NRG3: variants seen among roughly 807,000 people sequenced by gnomAD.
NRG3 encodes pro-neuregulin-3, membrane-bound isoform.
A neutral mutation model predicts 66.9 loss-of-function variants in NRG3; 31 were observed. The ratio of observed to expected loss-of-function variants is 0.46; its 90% CI spans 0.35 to 0.63. The LOEUF (loss-of-function observed/expected upper bound fraction) is 0.63, where lower values mean the gene tolerates loss of function less well. Ranked by LOEUF, NRG3 falls within the 20% of genes least tolerant of loss-of-function variation. NRG3 has a pLI of 0.00. For missense variants in NRG3, 910 were observed against 878.9 expected, an observed-to-expected ratio of 1.04 and a Z score of -0.45; for synonymous variants, 393 against 359.4, an observed-to-expected ratio of 1.09 and a Z score of -1.06.
At chr10:82,419,057 C>G (rs2088857638) in intron 2 of NRG3, among the ~76,000 whole-genome samples, 1 of 151,972 alleles carries the variant, frequency 6.6e-6, no homozygotes, top group Non-Finnish European at 1.5e-5. Flanking sequence ...AAACTTAACC[C>G]TACAGGGATA....
At position 82,234,919 on chromosome 10, in the gene NRG3, A is replaced by G. The variant is rs528927940; in HGVS notation, c.824-123820A>G. ...AGCCGTGCTTGCCTTGTTACTGTGT[A>G]ATCGGGATGTGTTTGTATTTCTTAT... is the stretch of plus-strand genomic sequence containing the variant. On this transcript the variant is annotated intron_variant, in intron 1 of 8. Coordinates refer to ENST00000372141, the MANE Select transcript of NRG3 (RefSeq NM_001010848.4). 1.0e-3 allele frequency among the ~76,000 whole-genome samples: 157 copies of G among 152,360 alleles called. 1 individual carries two copies. The highest frequency in any genetic ancestry group is 3.7e-3 in the African/African-American group (155 of 41,588).
intron 2 of NRG3, among the ~76,000 whole-genome samples, chr10:82,565,087 C>T (rs977477172): frequency 6.6e-6 from 1 of 151,986 alleles, no homozygotes; most frequent in South Asian, 2.1e-4. Flanking sequence ...GGGCATTCCC[C>T]GCCAGAGAAA....
intron 3 of NRG3, among the ~76,000 whole-genome samples, chr10:82,858,969 C>G (rs1311725267): frequency 2.9e-5 from 3 of 104,386 alleles, no homozygotes; most frequent in Non-Finnish European, 6.1e-5. Context: ...TTTTTTGAGA[C>G]GGAGTCTCGC....
Position 82,475,838 on chromosome 10 carries a change from T to C in NRG3, c.953+116970T>C, listed in dbSNP as rs530046062. Reference sequence around the variant, plus strand: ...AAGCAACAGCAACAAGAAACATAAATTGAACTACATCAAAATTAAAAACTT... The same window carrying C: ...AAGCAACAGCAACAAGAAACATAAACTGAACTACATCAAAATTAAAAACTT... On this transcript the variant is annotated intron_variant, in intron 2 of 8. Coordinates refer to ENST00000372141, the MANE Select transcript of NRG3 (RefSeq NM_001010848.4). 3.8e-3 allele frequency among the ~76,000 whole-genome samples: 576 copies of C among 152,206 alleles called. 5 individuals carry two copies. The highest frequency in any genetic ancestry group is 0.014 in the African/African-American group (562 of 41,550).
At chr10:82,328,789 C>G (rs1412291376) in intron 1 of NRG3, among the ~76,000 whole-genome samples, 2 of 152,142 alleles carry the variant, frequency 1.3e-5, no homozygotes, top group Non-Finnish European at 2.9e-5. Flanking sequence ...AACACCTATT[C>G]AAGTGTCCAT....
intron 4 of NRG3, among the ~76,000 whole-genome samples, chr10:82,913,471 G>T (rs1179790680): frequency 2.0e-5 from 3 of 151,912 alleles, no homozygotes; most frequent in Non-Finnish European, 4.4e-5. Context: ...AACATTTTTT[G>T]CAAGGTATGT....
chr10:82,114,775 T>C (rs561860292), intron 1 of NRG3, among the ~76,000 whole-genome samples: 2 of 152,142 alleles, frequency 1.3e-5, no homozygotes, highest in Non-Finnish European at 2.9e-5. Context: ...CCCTGGAAAC[T>C]GTTCTTTCAT....
At chr10:82,326,885 A>C (rs951215316) in intron 1 of NRG3, among the ~76,000 whole-genome samples, 4 of 152,196 alleles carry the variant, frequency 2.6e-5, no homozygotes, top group African/African-American at 9.7e-5. Context: ...CTTTTAAAAA[A>C]TTGTAATTAC....
intron 2 of NRG3, among the ~76,000 whole-genome samples, chr10:82,683,832 G>T (rs978878634): frequency 2.0e-5 from 3 of 152,184 alleles, no homozygotes; most frequent in African/African-American, 7.2e-5. Flanking sequence ...TTAAGAGCTA[G>T]AGCTAGAAAA....
At chr10:82,652,704 T>C (rs988775580) in intron 2 of NRG3, among the ~76,000 whole-genome samples, 1 of 152,138 alleles carries the variant, frequency 6.6e-6, no homozygotes, top group Admixed American at 6.6e-5. Context: ...TGAGCTAGTC[T>C]CAGGTTTTTC....
chr10:82,087,965 G>C (rs1289276985), intron 1 of NRG3, among the ~76,000 whole-genome samples: 1 of 151,982 alleles, frequency 6.6e-6, no homozygotes, highest in South Asian at 2.1e-4. Flanking sequence ...CACATTTCCC[G>C]GCTGGATCCG....
intron 3 of NRG3, among the ~76,000 whole-genome samples, chr10:82,840,315 A>G (rs1488348088): frequency 2.0e-5 from 3 of 151,994 alleles, no homozygotes; most frequent in Non-Finnish European, 1.5e-5. Context: ...TAATAGCATA[A>G]TCTCACCCTC....
At chr10:82,394,324 GCCT>G (rs1487301971) in intron 2 of NRG3, among the ~76,000 whole-genome samples, 1 of 152,214 alleles carries the variant, frequency 6.6e-6, no homozygotes, top group Non-Finnish European at 1.5e-5. Flanking sequence ...GATGTGCCCA[GCCT>G]CCTCCCTAGG....
At chr10:82,929,753 C>T (rs993261956) in intron 4 of NRG3, among the ~76,000 whole-genome samples, 1 of 151,722 alleles carries the variant, frequency 6.6e-6, no homozygotes, top group African/African-American at 2.4e-5. Flanking sequence ...GTGGTTGGCA[C>T]CTGTAATCAC....
At chr10:82,926,194 T>A (rs1197850919) in intron 4 of NRG3, among the ~76,000 whole-genome samples, 1 of 152,204 alleles carries the variant, frequency 6.6e-6, no homozygotes, top group African/African-American at 2.4e-5. Context: ...TCCACGCTAA[T>A]GAAGTGATGT....
At chr10:82,517,050 T>C (rs1845727257) in intron 2 of NRG3, among the ~76,000 whole-genome samples, 1 of 152,214 alleles carries the variant, frequency 6.6e-6, no homozygotes, top group Non-Finnish European at 1.5e-5. Flanking sequence ...ATAAGATGCT[T>C]CCTATGCAAA....
At chr10:82,707,299 TC>T (rs112213570) in intron 2 of NRG3, among the ~76,000 whole-genome samples, 37,410 of 151,938 alleles carry the variant, frequency 0.25, 4,791 homozygotes, top group Middle Eastern at 0.36. Flanking sequence ...TTGAGATTTT[TC>T]TCATTACCCT....
chr10:81,909,452 G>T (rs1245275392), intron 1 of NRG3, among the ~76,000 whole-genome samples: 1 of 152,110 alleles, frequency 6.6e-6, no homozygotes, highest in Non-Finnish European at 1.5e-5. Flanking sequence ...GGTAGTCTGT[G>T]GTGAGGGTGT....
intron 1 of NRG3, among the ~76,000 whole-genome samples, chr10:81,977,324 T>C (rs1468201252): frequency 1.3e-5 from 2 of 152,186 alleles, no homozygotes; most frequent in Admixed American, 1.3e-4. Flanking sequence ...GATAATCTTA[T>C]TGTTCTTTCT....
Sources: gnomAD v4.1 joint callset for allele counts (sites outside exome capture counted in the v4.1 genomes callset) on GRCh38, gnomAD v4.1.1 for gene constraint, MANE v1.5 for transcripts, NCBI Gene and HGNC (gene_info 2026-07-23, HGNC 2026-07-21) for gene names.